The following RNPEP variants were observed in gnomAD, a reference collection of about 807,000 sequenced individuals.
RNPEP encodes arginyl aminopeptidase, also known as aminopeptidase B.
In RNPEP, 57 loss-of-function variants were observed where a neutral mutation model predicts 70.1. The ratio of observed to expected loss-of-function variants is 0.81; its 90% CI spans 0.66 to 1.01. The LOEUF is 1.01. Ranked by LOEUF, RNPEP falls within the 50% of genes least tolerant of loss-of-function variation. RNPEP has a pLI of 0.00. For synonymous variants in RNPEP, 335 were observed against 357.4 expected, an observed-to-expected ratio of 0.94 and a Z score of 0.71; for missense variants, 787 against 852.4, an observed-to-expected ratio of 0.92 and a Z score of 0.96.
chr1:201,988,483 A>C (rs989447163), intron 1 of RNPEP, among the ~76,000 whole-genome samples: 6 of 149,244 alleles, frequency 4.0e-5, no homozygotes, highest in African/African-American at 2.5e-5. Flanking sequence ...AAAAAAAAAA[A>C]CATATTAATC....
Position 201,994,781 on chromosome 1 carries a change from C to T in RNPEP, c.738-1366C>T, listed in dbSNP as rs139363954. Among the ~76,000 whole-genome samples the T allele has an allele frequency of 9.2e-3, 1,401 of 151,690 alleles. 11 individuals are homozygous for T. The highest frequency in any genetic ancestry group is 0.016 in the Non-Finnish European group (1,113 of 67,934). On this transcript the variant is annotated intron_variant, in intron 3 of 10. Coordinates refer to ENST00000295640, the MANE Select transcript of RNPEP (RefSeq NM_020216.4). ...ACCCAGGTTCAAGCGATTCTCCTGCCTCAGCCTCTCAGGTAGCTGGGATTA... is the reference window on the plus strand; with the variant it reads ...ACCCAGGTTCAAGCGATTCTCCTGCTTCAGCCTCTCAGGTAGCTGGGATTA...
chr1:201,988,457 C>CAAAAA (rs142459545), intron 1 of RNPEP, among the ~76,000 whole-genome samples: 1 of 114,378 alleles, frequency 8.7e-6, no homozygotes, highest in Non-Finnish European at 1.8e-5. Context: ...TACTCTGTCT[C>CAAAAA]AAAAAAAAAA....
At chr1:201,983,425 G>T in intron 1 of RNPEP, 1 of 1,465,386 alleles carries the variant, frequency 6.8e-7, no homozygotes, top group Admixed American at 2.1e-5. Context: ...CCCGCTCATC[G>T]CACACTGCCG....
chr1:202,002,977 C>A (rs1683891304), intron 8 of RNPEP: 1 of 436,730 alleles, frequency 2.3e-6, no homozygotes, highest in African/African-American at 2.0e-5. Flanking sequence ...GTGAATAGAG[C>A]ATCCACCAAC....
At chr1:201,999,302 G>C (rs945445758) in intron 5 of RNPEP, among the ~76,000 whole-genome samples, 1 of 151,984 alleles carries the variant, frequency 6.6e-6, no homozygotes, top group African/African-American at 2.4e-5. Flanking sequence ...CCAGCACTTT[G>C]GGAGGCCAAG....
chr1:201,993,938 C>T (rs568907480), intron 3 of RNPEP, among the ~76,000 whole-genome samples: 1 of 150,510 alleles, frequency 6.6e-6, no homozygotes, highest in Non-Finnish European at 1.5e-5. Flanking sequence ...TTGCTACAAC[C>T]CATTGGAATC....
intron 3 of RNPEP, among the ~76,000 whole-genome samples, chr1:201,989,884 G>A (rs1475083421): frequency 1.3e-5 from 2 of 151,442 alleles, no homozygotes; most frequent in Admixed American, 6.6e-5. Context: ...GTGTTGCCCA[G>A]GCTGGACTGG....
At chr1:202,001,138 A>G (rs1369466551) in intron 6 of RNPEP, 10 of 517,064 alleles carry the variant, frequency 1.9e-5, no homozygotes, top group Admixed American at 3.3e-5. Context: ...AGAGAGGCCA[A>G]TATCTGGAGA....
At position 202,003,331 on chromosome 1, in the gene RNPEP, G is replaced by A. The variant is rs1239727573; in HGVS notation, c.1521G>A (p.Glu507=). ...ACTCACTCATGAAGCCTGCTGAAGA[G>A]CTAGCCCAACTGTGGGCAGCCGAGG... is the stretch of plus-strand genomic sequence containing the variant. ...PGDSLMKPAE[E]LAQLWAAEEL... The change falls in exon 9 of 11, where the codon GAG becomes GAA. Residue 507 remains glutamate, a synonymous_variant. Transcript: ENST00000295640. 6.2e-7 allele frequency: 1 copy of A among 1,614,164 alleles called. No homozygotes were observed. Among genetic ancestry groups the A allele is most frequent in the South Asian group, 1.1e-5 (1 of 91,082 alleles).
intron 10 of RNPEP, among the ~76,000 whole-genome samples, chr1:202,005,187 G>A (rs946827518): frequency 6.6e-6 from 1 of 152,188 alleles, no homozygotes; most frequent in African/African-American, 2.4e-5. Flanking sequence ...CAGCTGGACC[G>A]TATGCGGCTG....
chr1:202,001,606 A>G, intron 7 of RNPEP, 53 bp from the exon 8 acceptor site: 1 of 1,475,464 alleles, frequency 6.8e-7, no homozygotes, highest in Non-Finnish European at 9.5e-7. Context: ...ACACAGAGGG[A>G]CACCACTCCC....
intron 6 of RNPEP, 45 bp from the exon 7 acceptor site, chr1:202,001,331 A>C: frequency 7.6e-7 from 1 of 1,317,152 alleles, no homozygotes; most frequent in Non-Finnish European, 1.1e-6. Flanking sequence ...GTTACGGGTG[A>C]CAGGCTACAA....
chr1:201,988,285 C>G (rs1183625871), intron 1 of RNPEP, among the ~76,000 whole-genome samples: 1 of 151,238 alleles, frequency 6.6e-6, no homozygotes, highest in Non-Finnish European at 1.5e-5. Context: ...CATGGTGAAA[C>G]CCTATCTTTA....
Position 202,003,342 on chromosome 1 carries a change from T to A in RNPEP, c.1532T>A (p.Leu511Gln). The A allele has an allele frequency of 6.2e-7, 1 of 1,614,130 alleles. No individual in the cohort carries two copies. Among genetic ancestry groups the A allele is most frequent in the South Asian group, 1.1e-5 (1 of 91,078 alleles). Reference sequence around the variant, plus strand: ...AAGCCTGCTGAAGAGCTAGCCCAACTGTGGGCAGCCGAGGAGCTGGACATG... The same window carrying A: ...AAGCCTGCTGAAGAGCTAGCCCAACAGTGGGCAGCCGAGGAGCTGGACATG... ...LMKPAEELAQ[L>Q]WAAEELDMKA... is the part of the protein sequence containing the mutation. Residue 511 changes from leucine (L) to glutamine (Q), a missense_variant, in exon 9 of 11, where the codon CTG (leucine) becomes CAG (glutamine). Coordinates refer to ENST00000295640, the MANE Select transcript of RNPEP (RefSeq NM_020216.4).
intron 1 of RNPEP, chr1:201,983,513 C>T (rs759128321): frequency 7.5e-7 from 1 of 1,331,346 alleles, no homozygotes; most frequent in Non-Finnish European, 9.9e-7. Flanking sequence ...ACTTTTGGGC[C>T]GAGGTACCTG....
chr1:201,997,164 G>T (rs1030192146), intron 4 of RNPEP, among the ~76,000 whole-genome samples, 155 bp from the exon 5 acceptor site: 3 of 143,360 alleles, frequency 2.1e-5, no homozygotes, highest in Non-Finnish European at 4.7e-5. Flanking sequence ...GCATTGAGGA[G>T]CCTGGGCTTT....
In RNPEP at chr1:202,003,588, C is replaced by T. The variant is rs542940278; in HGVS notation, c.1651+127C>T. The T allele has an allele frequency of 4.4e-6, 3 of 675,408 alleles. No individual in the cohort carries two copies. In the African/African-American group the frequency reaches 5.4e-5, roughly 12 times the overall value. 41.8% of individuals were successfully genotyped at this position (675,408 alleles called of 1,614,324 possible). A position where few individuals can be genotyped will look rare whatever the true frequency, so the allele number is the denominator to read the frequency against. ...GCCACGTACACTAGGGAGGCTGGCACTCCACAAGGAATGTGCCACCGGGAG... is the reference window on the plus strand; with the variant it reads ...GCCACGTACACTAGGGAGGCTGGCATTCCACAAGGAATGTGCCACCGGGAG... On this transcript the variant is annotated intron_variant, in intron 9 of 10. Transcript: ENST00000295640.
intron 1 of RNPEP, among the ~76,000 whole-genome samples, chr1:201,986,914 C>G (rs951339472): frequency 6.6e-6 from 1 of 152,160 alleles, no homozygotes; most frequent in African/African-American, 2.4e-5. Flanking sequence ...TAACCTCGGT[C>G]CCCTGGCTGA....
At chr1:201,987,833 A>G (rs1338059914) in intron 1 of RNPEP, among the ~76,000 whole-genome samples, 2 of 151,824 alleles carry the variant, frequency 1.3e-5, no homozygotes, top group Non-Finnish European at 2.9e-5. Context: ...GAAAAGGTAA[A>G]TTTTAGGAAC....
Sources: allele counts gnomAD v4.1 joint callset (sites outside exome capture counted in the v4.1 genomes callset), GRCh38; gene constraint gnomAD v4.1.1; transcripts MANE v1.5; gene names NCBI Gene and HGNC (gene_info 2026-07-23, HGNC 2026-07-21).